EPB41L2: variants seen among roughly 807,000 people sequenced by gnomAD.
EPB41L2 encodes the protein band 4.1-like protein 2.
EPB41L2 carries 43 observed loss-of-function variants against 113.0 expected under a neutral mutation model. The observed-to-expected ratio is 0.38, with a 90% CI of 0.30 to 0.49. EPB41L2 has a LOEUF of 0.49. Ranked by LOEUF, EPB41L2 falls within the 20% of genes least tolerant of loss-of-function variation. The pLI, the probability that EPB41L2 is intolerant of heterozygous loss-of-function variation, is 0.95. For synonymous variants in EPB41L2, 442 were observed against 436.7 expected (o/e 1.01, Z -0.15); for missense variants, 1,147 against 1,223.4 (o/e 0.94, Z 0.93).
intron 1 of EPB41L2, among the ~76,000 whole-genome samples, chr6:131,009,969 T>C (rs914805992): frequency 6.6e-6 from 1 of 152,238 alleles, no homozygotes; most frequent in Non-Finnish European, 1.5e-5. Context: ...ATGTTCAATT[T>C]GCCAGGGACA....
chr6:130,875,016 G>C (rs1236967760), intron 14 of EPB41L2, among the ~76,000 whole-genome samples: 1 of 152,112 alleles, frequency 6.6e-6, no homozygotes, highest in Non-Finnish European at 1.5e-5. Flanking sequence ...AATTGGCTTT[G>C]GTTTCAGGCT....
chr6:131,048,084 G>A (rs1244562590), intron 1 of EPB41L2, among the ~76,000 whole-genome samples: 2 of 143,934 alleles, frequency 1.4e-5, no homozygotes, highest in Non-Finnish European at 3.0e-5. Flanking sequence ...GTTGCAGTGA[G>A]CCGAGATCGC....
intron 1 of EPB41L2, among the ~76,000 whole-genome samples, chr6:131,030,885 C>A (rs1206708862): frequency 6.7e-6 from 1 of 150,166 alleles, no homozygotes; most frequent in Non-Finnish European, 1.5e-5. Flanking sequence ...AGGACCAGCC[C>A]GAGCAACATG....
In EPB41L2 at chr6:130,886,892, T is replaced by C. The variant is rs943980103; in HGVS notation, c.1661-1624A>G. On this transcript the variant is annotated intron_variant, in intron 11 of 19. Coordinates refer to ENST00000337057, the MANE Select transcript of EPB41L2 (RefSeq NM_001431.4). ...TTGTGATCTGCCCTCCTTGGCCTCC[T>C]AAAGTGCTGTGGTTAGAGGTGTGAG... 2.0e-5 allele frequency among the ~76,000 whole-genome samples: 3 copies of C among 152,102 alleles called. No individual in the cohort carries two copies. The East Asian group carries it at 5.8e-4, about 29-fold the overall frequency.
chr6:130,916,248 C>A (rs1469283277), intron 4 of EPB41L2, among the ~76,000 whole-genome samples: 1 of 152,086 alleles, frequency 6.6e-6, no homozygotes, highest in African/African-American at 2.4e-5. Context: ...ATGTATTTTA[C>A]ACTAAAATCT....
chr6:130,869,208 A>AG (rs1784852556), intron 15 of EPB41L2, among the ~76,000 whole-genome samples: 2 of 152,214 alleles, frequency 1.3e-5, no homozygotes, highest in South Asian at 4.1e-4. Context: ...TTAAACCAAA[A>AG]GGGGAAAAAA....
rs118078862 is a variant in EPB41L2, at chr6:131,046,069, C to T, written c.-15+17086G>A. Among the ~76,000 whole-genome samples, 1,733 of 143,544 alleles carry T rather than the reference C, an allele frequency of 0.012. 186 individuals carry two copies. In the East Asian group the frequency reaches 0.28, roughly 23 times the overall value. 94.2% of individuals were successfully genotyped at this position (143,544 alleles called of 152,430 possible). ...TCAAGGGATCCTCCCGCCTCAGTCT[C>T]CGAAGCTAATTTTTTTTTTTTTTTT... On this transcript the variant is annotated intron_variant, in intron 1 of 19. Transcript: ENST00000337057.
intron 5 of EPB41L2, among the ~76,000 whole-genome samples, chr6:130,905,603 C>G (rs1797503484): frequency 6.6e-6 from 1 of 151,996 alleles, no homozygotes; most frequent in African/African-American, 2.4e-5. Flanking sequence ...TTTACTCTTT[C>G]AGAGACGGGG....
chr6:131,060,019 G>A (rs1481331523), intron 1 of EPB41L2, among the ~76,000 whole-genome samples: 1 of 152,094 alleles, frequency 6.6e-6, no homozygotes, highest in Admixed American at 6.6e-5. Flanking sequence ...CTGTTTATTT[G>A]CCTTATAAAA....
chr6:130,884,523 C>T (rs1039146438), intron 12 of EPB41L2, among the ~76,000 whole-genome samples: 1 of 152,136 alleles, frequency 6.6e-6, no homozygotes, highest in African/African-American at 2.4e-5. Flanking sequence ...CCCAAGGTAA[C>T]AAAAGATAAC....
At chr6:130,999,167 T>C (rs9492780) in intron 1 of EPB41L2, among the ~76,000 whole-genome samples, 1,564 of 152,130 alleles carry the variant, frequency 0.01, 40 homozygotes, top group African/African-American at 0.034. Context: ...TGTTCTTCTC[T>C]CTCCCAGATC....
At chr6:130,875,741 G>A (rs1370885303) in intron 14 of EPB41L2, among the ~76,000 whole-genome samples, 1 of 152,122 alleles carries the variant, frequency 6.6e-6, no homozygotes, top group Non-Finnish European at 1.5e-5. Flanking sequence ...GCTCACGCCT[G>A]TAATCCTAGC....
At chr6:130,974,673 C>CAATA (rs1777721338) in intron 1 of EPB41L2, among the ~76,000 whole-genome samples, 1 of 150,152 alleles carries the variant, frequency 6.7e-6, no homozygotes, top group South Asian at 2.1e-4. Flanking sequence ...CCCTCAAAGC[C>CAATA]AATAGACTTT....
intron 19 of EPB41L2, among the ~76,000 whole-genome samples, chr6:130,849,144 G>A (rs1180637682): frequency 6.6e-6 from 1 of 152,150 alleles, no homozygotes; most frequent in African/African-American, 2.4e-5. Context: ...GTAGCACTGT[G>A]GTGACCTAGA....
At chr6:130,867,963 C>T in intron 15 of EPB41L2, 2 of 162,456 alleles carry the variant, frequency 1.2e-5, no homozygotes, top group South Asian at 2.2e-4. Context: ...CACACACACA[C>T]ACACACACAC....
rs1441060784 is a variant in EPB41L2, at chr6:131,004,689, G to A, written c.-14-48190C>T. ...TCCAGCAAGAAGCCCACCCAGAAAT[G>A]AGGTGCCTGTAAAGGAGATGGGGTG... On this transcript the variant is annotated intron_variant, in intron 1 of 19. Coordinates refer to ENST00000337057, the MANE Select transcript of EPB41L2 (RefSeq NM_001431.4). Among the ~76,000 whole-genome samples, 3 of 152,108 alleles carry A rather than the reference G, an allele frequency of 2.0e-5. No homozygotes were observed. The South Asian group carries it at 6.2e-4, about 32-fold the overall frequency.
At chr6:130,995,322 G>A (rs1282957774) in intron 1 of EPB41L2, among the ~76,000 whole-genome samples, 3 of 151,430 alleles carry the variant, frequency 2.0e-5, no homozygotes, top group African/African-American at 7.3e-5. Flanking sequence ...GCGACTAAGC[G>A]AGACTCCGTC....
Position 130,870,017 on chromosome 6 carries a change from C to G in EPB41L2, c.2153G>C (p.Ser718Thr). 6.2e-7 allele frequency: 1 copy of G among 1,614,042 alleles called. No individual in the cohort carries two copies. Among genetic ancestry groups the G allele is most frequent in the Non-Finnish European group, 8.5e-7 (1 of 1,180,028 alleles). ...CACCTTACGAATCTCCCCAGGACCACTCCCAGGTGATATCTCTTTACCATT... is the reference window on the plus strand; with the variant it reads ...CACCTTACGAATCTCCCCAGGACCAGTCCCAGGTGATATCTCTTTACCATT... Reference protein sequence around the residue: ...EMNGKEISPGSGPGEIRKVEP... With the variant: ...EMNGKEISPGTGPGEIRKVEP... The change falls in exon 15 of 20, where the codon AGT becomes ACT. Residue 718 changes from serine to threonine, a missense_variant. Physicochemically the swap from Ser to Thr is moderately conservative, Grantham distance 58. Coordinates refer to ENST00000337057, the MANE Select transcript of EPB41L2 (RefSeq NM_001431.4).
At chr6:130,941,936 T>C (rs1339044863) in intron 3 of EPB41L2, among the ~76,000 whole-genome samples, 2 of 152,216 alleles carry the variant, frequency 1.3e-5, no homozygotes, top group Non-Finnish European at 2.9e-5. Context: ...TATAACTCCA[T>C]TGTAGAGCAT....
Sources: allele counts gnomAD v4.1 joint callset (sites outside exome capture counted in the v4.1 genomes callset), GRCh38; gene constraint gnomAD v4.1.1; transcripts MANE v1.5; gene names NCBI Gene and HGNC (gene_info 2026-07-23, HGNC 2026-07-21).